PATJ: variants seen among roughly 807,000 people sequenced by gnomAD.
The protein encoded by PATJ is inaD-like protein.
Under a neutral mutation model 224.9 loss-of-function variants are expected in PATJ, and 190 were observed. That is an observed-to-expected ratio of 0.84 (90% CI 0.75 to 0.95). PATJ has a LOEUF of 0.95. Among genes scored for constraint, PATJ ranks in the 40% least tolerant of loss-of-function variants. The probability of loss-of-function intolerance (pLI) is 0.00; values close to 1 mark genes in which losing one functional copy is unlikely to be tolerated. For synonymous variants in PATJ, 769 were observed against 820.3 expected (o/e 0.94, Z 1.07); for missense variants, 2,121 against 2,270.3 (o/e 0.93, Z 1.34).
In PATJ at chr1:61,769,358, A is replaced by G. The variant is rs759727655; in HGVS notation, c.460A>G (p.Ser154Gly). 42 of 1,614,002 alleles carry G rather than the reference A, an allele frequency of 2.6e-5. No individual in the cohort carries two copies. Among genetic ancestry groups the G allele is most frequent in the Non-Finnish European group, 5.1e-6 (6 of 1,180,000 alleles). Residue 154 changes from serine to glycine, a missense_variant, in exon 5 of 44, where the codon AGT (serine) becomes GGT (glycine). Ser to Gly is a moderately conservative substitution (Grantham distance 56). Transcript: ENST00000642238. ...TGGATTCAGTGTGGTGGCCCTCAGAAGTCAAAATCTCGGAAAAGTTGATAT... is the reference window on the plus strand; with the variant it reads ...TGGATTCAGTGTGGTGGCCCTCAGAGGTCAAAATCTCGGAAAAGTTGATAT... ...GLGFSVVALR[S>G]QNLGKVDIFV...
In PATJ at chr1:62,079,570, A is replaced by G. The variant is rs753796005; in HGVS notation, c.4243+3A>G. The G allele has an allele frequency of 5.1e-6, 8 of 1,563,824 alleles. No homozygotes were observed. The highest frequency in any genetic ancestry group is 6.2e-6 in the Non-Finnish European group (7 of 1,135,350). ...AGATGCAGACTTCACAGGCTATGGT[A>G]TGATTCTTTCTCTCAGCAGATCTGG... On this transcript the variant is annotated splice_donor_region_variant and intron_variant, in intron 32 of 43. Transcript: ENST00000642238.
intron 37 of PATJ, among the ~76,000 whole-genome samples, chr1:62,119,711 G>A (rs1479508847): frequency 7.9e-5 from 12 of 152,122 alleles, no homozygotes; most frequent in Admixed American, 2.6e-4. Context: ...AGTTCGAGGC[G>A]GGCAGATCAC....
At chr1:61,912,834 G>A (rs1342769202) in intron 25 of PATJ, among the ~76,000 whole-genome samples, 2 of 152,110 alleles carry the variant, frequency 1.3e-5, no homozygotes, top group East Asian at 1.9e-4. Context: ...TAGTAGTGTG[G>A]GCAGATAGTT....
At chr1:61,938,559 A>G (rs1365700139) in intron 27 of PATJ, among the ~76,000 whole-genome samples, 2 of 152,076 alleles carry the variant, frequency 1.3e-5, no homozygotes, top group African/African-American at 4.8e-5. Context: ...AAACAAACTA[A>G]CAGTAATAGG....
chr1:61,832,271 GAC>G (rs1659475528), intron 16 of PATJ, among the ~76,000 whole-genome samples: 2 of 152,034 alleles, frequency 1.3e-5, no homozygotes, highest in Non-Finnish European at 2.9e-5. Flanking sequence ...AGACTCCTGT[GAC>G]ACACAATTTA....
chr1:62,070,571 T>C (rs1328374621), intron 31 of PATJ, among the ~76,000 whole-genome samples: 2 of 152,210 alleles, frequency 1.3e-5, no homozygotes, highest in Admixed American at 6.5e-5. Flanking sequence ...AAATAAGTGA[T>C]AAAATTCATT....
intron 33 of PATJ, among the ~76,000 whole-genome samples, chr1:62,100,044 C>A (rs904384074): frequency 6.6e-6 from 1 of 152,148 alleles, no homozygotes; most frequent in Non-Finnish European, 1.5e-5. Context: ...TCCAACAATT[C>A]AGAATTTAAA....
intron 28 of PATJ, chr1:61,991,468 G>A (rs1558004363): frequency 3.0e-6 from 3 of 984,516 alleles, no homozygotes; most frequent in Non-Finnish European, 2.4e-6. Flanking sequence ...TGCATTTTAC[G>A]ATTTCCTCCT....
Position 62,163,828 on chromosome 1 carries a change from G to A in PATJ, c.*2774G>A, listed in dbSNP as rs768383508. On this transcript the variant is annotated 3_prime_UTR_variant, in exon 44 of 44. Coordinates refer to ENST00000642238, the MANE Select transcript of PATJ (RefSeq NM_001350145.3). ...TCACTAATCGGAATTAGCATGAGAGGGAAGTAAGCCAGGAAGAATAAAACT... is the reference window on the plus strand; with the variant it reads ...TCACTAATCGGAATTAGCATGAGAGAGAAGTAAGCCAGGAAGAATAAAACT... The A allele has an allele frequency of 1.3e-5, 2 of 152,084 alleles. No homozygotes were observed. The highest frequency in any genetic ancestry group is 2.9e-5 in the Non-Finnish European group (2 of 68,026). The allele number at this position is 152,084 out of a possible 1,614,324, so 9.4% of individuals were successfully genotyped here.
At chr1:61,768,455 G>GTGAGACTC (rs1463682574) in intron 4 of PATJ, among the ~76,000 whole-genome samples, 1 of 113,126 alleles carries the variant, frequency 8.8e-6, no homozygotes, top group Non-Finnish European at 1.9e-5. Flanking sequence ...GGGCGACAGA[G>GTGAGACTC]TGAGACTCCG....
intron 27 of PATJ, among the ~76,000 whole-genome samples, chr1:61,983,762 T>C (rs1198207335): frequency 6.6e-6 from 1 of 152,032 alleles, no homozygotes. Context: ...GTTTATATTC[T>C]AGGGGAGGGA....
chr1:62,034,442 C>CAAAA (rs58542108), intron 29 of PATJ, among the ~76,000 whole-genome samples: 6 of 100,218 alleles, frequency 6.0e-5, no homozygotes, highest in African/African-American at 8.0e-5. Context: ...GACTCTGTCT[C>CAAAA]AAAAAAAAAA....
At chr1:62,153,301 A>C in intron 42 of PATJ, 57 bp from the exon 43 acceptor site, 1 of 1,191,850 alleles carries the variant, frequency 8.4e-7, no homozygotes, top group Non-Finnish European at 1.1e-6. Context: ...TTCCAATTAA[A>C]TGAAATTCCC....
At chr1:61,912,671 A>C (rs1002548995) in intron 25 of PATJ, among the ~76,000 whole-genome samples, 13 of 62,666 alleles carry the variant, frequency 2.1e-4, no homozygotes, top group African/African-American at 8.2e-4. Context: ...GAAGGGAGGG[A>C]GGGAGGGGAG....
chr1:61,969,288 A>G (rs1682606536), intron 27 of PATJ, among the ~76,000 whole-genome samples: 1 of 152,186 alleles, frequency 6.6e-6, no homozygotes, highest in Non-Finnish European at 1.5e-5. Flanking sequence ...TAATTTTTTT[A>G]AGGTATGTCC....
At chr1:62,032,710 T>C (rs1307286871) in intron 29 of PATJ, among the ~76,000 whole-genome samples, 1 of 152,206 alleles carries the variant, frequency 6.6e-6, no homozygotes. Context: ...CTTAGCATGC[T>C]TTTGGAGAAA....
intron 31 of PATJ, among the ~76,000 whole-genome samples, chr1:62,070,950 G>A (rs1657284679): frequency 6.6e-6 from 1 of 152,060 alleles, no homozygotes; most frequent in Non-Finnish European, 1.5e-5. Flanking sequence ...TGAACAGCTG[G>A]GCATAACTTG....
intron 33 of PATJ, among the ~76,000 whole-genome samples, chr1:62,099,149 G>A (rs777308025): frequency 1.6e-4 from 24 of 151,878 alleles, no homozygotes; most frequent in Non-Finnish European, 2.9e-4. Context: ...GTTGGTTTAC[G>A]GCTTTCCTGC....
intron 27 of PATJ, among the ~76,000 whole-genome samples, chr1:61,955,674 G>A (rs1250255515): frequency 1.3e-5 from 2 of 152,140 alleles, no homozygotes; most frequent in African/African-American, 2.4e-5. Context: ...GAATACTTAG[G>A]TTCTAGACAC....
Sources: gnomAD v4.1 joint callset for allele counts (sites outside exome capture counted in the v4.1 genomes callset) on GRCh38, gnomAD v4.1.1 for gene constraint, MANE v1.5 for transcripts, NCBI Gene and HGNC (gene_info 2026-07-23, HGNC 2026-07-21) for gene names.